The following DCTN2 variants were observed in gnomAD, a reference collection of about 807,000 sequenced individuals.
The protein encoded by DCTN2 is 50 kDa dynein-associated polypeptide.
A neutral mutation model predicts 55.4 loss-of-function variants in DCTN2; 18 were observed. That is an observed-to-expected ratio of 0.32 (90% confidence interval 0.22 to 0.48). The LOEUF (loss-of-function observed/expected upper bound fraction) is 0.48, where lower values mean the gene tolerates loss of function less well. Among genes scored for constraint, DCTN2 ranks in the 20% least tolerant of loss-of-function variants. The pLI is 0.99. For missense variants in DCTN2, 390 were observed against 491.0 expected, an observed-to-expected ratio of 0.79 and a Z score of 1.94; for synonymous variants, 168 against 185.2, an observed-to-expected ratio of 0.91 and a Z score of 0.76.
chr12:57,535,342 G>T, intron 4 of DCTN2, 142 bp downstream of exon 4: 1 of 1,193,772 alleles, frequency 8.4e-7, no homozygotes, highest in Non-Finnish European at 1.2e-6. Context: ...GTAGGGCAGA[G>T]TTTCCCTGGC....
At chr12:57,536,157 C>T (rs182716990) in intron 2 of DCTN2, 121 of 331,640 alleles carry the variant, frequency 3.6e-4, no homozygotes, top group African/African-American at 2.1e-3. Flanking sequence ...GTCTGGCACA[C>T]GCCATGCACT....
chr12:57,545,463 G>A (rs375418314), intron 2 of DCTN2, among the ~76,000 whole-genome samples: 83 of 152,126 alleles, frequency 5.5e-4, no homozygotes, highest in African/African-American at 1.9e-3. Flanking sequence ...AAATGTATCC[G>A]TACCTAATTA....
At chr12:57,540,476 C>T (rs1463795729) in intron 2 of DCTN2, among the ~76,000 whole-genome samples, 1 of 152,182 alleles carries the variant, frequency 6.6e-6, no homozygotes, top group Admixed American at 6.5e-5. Context: ...ATTTCAAGTG[C>T]CCTGGCCCCG....
At chr12:57,534,684 T>C (rs960621204) in intron 5 of DCTN2, among the ~76,000 whole-genome samples, 1 of 152,162 alleles carries the variant, frequency 6.6e-6, no homozygotes, top group African/African-American at 2.4e-5. Flanking sequence ...CTTTCATTTT[T>C]TGAGATGGAG....
At chr12:57,537,581 G>A (rs1565680649) in intron 2 of DCTN2, among the ~76,000 whole-genome samples, 1 of 151,998 alleles carries the variant, frequency 6.6e-6, no homozygotes, top group African/African-American at 2.4e-5. Flanking sequence ...TCTCTGCTCT[G>A]CTATTAGAGC....
chr12:57,543,118 G>A (rs752427701), intron 2 of DCTN2: 30 of 435,688 alleles, frequency 6.9e-5, no homozygotes, highest in African/African-American at 3.0e-4. Context: ...GGGAGGCCAA[G>A]ACAGGCGGAT....
intron 7 of DCTN2, 31 bp from the exon 8 acceptor site, chr12:57,533,334 T>A: frequency 6.2e-7 from 1 of 1,601,268 alleles, no homozygotes; most frequent in Non-Finnish European, 8.6e-7. Context: ...AGATTTGCCA[T>A]CTGCTTCCCT....
intron 2 of DCTN2, chr12:57,543,899 C>G: frequency 8.7e-7 from 1 of 1,143,968 alleles, no homozygotes; most frequent in Non-Finnish European, 1.2e-6. Context: ...ATAGGCTGTT[C>G]AGGCTCTGGG....
intron 2 of DCTN2, among the ~76,000 whole-genome samples, chr12:57,537,128 G>C (rs1047064153): frequency 6.6e-6 from 1 of 150,958 alleles, no homozygotes; most frequent in African/African-American, 2.4e-5. Flanking sequence ...TGGATCTCAG[G>C]AGTTCAAGAC....
chr12:57,541,490 A>G, intron 2 of DCTN2: 1 of 1,059,778 alleles, frequency 9.4e-7, no homozygotes, highest in Non-Finnish European at 1.4e-6. Flanking sequence ...AGGATCTTCT[A>G]AACTGTAAGG....
At chr12:57,538,670 C>T (rs1426042586) in intron 2 of DCTN2, 2 of 639,288 alleles carry the variant, frequency 3.1e-6, no homozygotes, top group African/African-American at 1.8e-5. Context: ...ACACACTGCA[C>T]CACAGGGCCC....
In DCTN2 at chr12:57,533,254, C is replaced by G; in HGVS notation, c.719G>C (p.Cys240Ser). Residue 240 changes from cysteine to serine, a missense_variant, in exon 8 of 14, where the codon TGT becomes TCT. Physicochemically the swap from Cys to Ser is moderately radical, Grantham distance 112. Coordinates refer to ENST00000548249, the MANE Select transcript of DCTN2 (RefSeq NM_001261413.2). ...ACACCTGACCTGAGCATCCTGATCACAACGTACAGCTGTCTCCAGCTCTGT... is the reference window on the plus strand; with the variant it reads ...ACACCTGACCTGAGCATCCTGATCAGAACGTACAGCTGTCTCCAGCTCTGT... The part of the protein sequence containing the change: ...RLTELETAVR[C>S]DQDAQNPLSA... 6.2e-7 allele frequency: 1 copy of G among 1,614,000 alleles called. No homozygotes were observed. The highest frequency in any genetic ancestry group is 1.1e-5 in the South Asian group (1 of 91,088).
intron 2 of DCTN2, among the ~76,000 whole-genome samples, chr12:57,544,965 A>G (rs1881024353): frequency 6.6e-6 from 1 of 152,234 alleles, no homozygotes; most frequent in South Asian, 2.1e-4. Flanking sequence ...GAGAAGGGAC[A>G]GAGAAGGTGT....
At chr12:57,539,194 C>T (rs778741390) in intron 2 of DCTN2, among the ~76,000 whole-genome samples, 2 of 152,210 alleles carry the variant, frequency 1.3e-5, no homozygotes, top group East Asian at 1.9e-4. Flanking sequence ...AGTATAGCCC[C>T]GTTCTCATTT....
chr12:57,544,060 C>T (rs1444767406), intron 2 of DCTN2: 1 of 428,292 alleles, frequency 2.3e-6, no homozygotes, highest in Non-Finnish European at 4.7e-6. Flanking sequence ...GTGAAACTAC[C>T]TGTTTGTATC....
At chr12:57,534,178 G>C (rs1025091900) in intron 6 of DCTN2, 81 bp from the exon 7 acceptor site, 15 of 1,527,724 alleles carry the variant, frequency 9.8e-6, no homozygotes, top group Non-Finnish European at 1.1e-5. Flanking sequence ...CTCATAATCA[G>C]CATTAAGAAA....
chr12:57,547,017 C>G lies in DCTN2; in HGVS notation c.36+11G>C. On this transcript the variant is annotated intron_variant, in intron 1 of 13. Transcript: ENST00000548249. Reference sequence around the variant, plus strand: ...GCGGTCCTGGGGAGCCGGGGCCGGTCCTGTACTCACAATGCCGGGAAGGTC... The same window carrying G: ...GCGGTCCTGGGGAGCCGGGGCCGGTGCTGTACTCACAATGCCGGGAAGGTC... 1 of 1,291,054 alleles carries G rather than the reference C, an allele frequency of 7.7e-7. No homozygotes were observed. The highest frequency in any genetic ancestry group is 3.4e-5 in the Admixed American group (1 of 29,134). 80.0% of individuals were successfully genotyped at this position (1,291,054 alleles called of 1,614,324 possible).
intron 12 of DCTN2, 42 bp downstream of exon 12, chr12:57,532,171 T>C: frequency 6.4e-7 from 1 of 1,552,110 alleles, no homozygotes; most frequent in South Asian, 1.2e-5. Flanking sequence ...AAGTTGCCCA[T>C]TTTTCAACTT....
intron 2 of DCTN2, chr12:57,538,499 T>C (rs756197150): frequency 2.6e-6 from 2 of 761,380 alleles, no homozygotes; most frequent in Non-Finnish European, 4.8e-6. Flanking sequence ...AAAAAGCAGA[T>C]GAAAGGTCAG....
Sources: allele counts gnomAD v4.1 joint callset (sites outside exome capture counted in the v4.1 genomes callset), GRCh38; gene constraint gnomAD v4.1.1; transcripts MANE v1.5; gene names NCBI Gene and HGNC (gene_info 2026-07-23, HGNC 2026-07-21).